The following KCNT2 variants were observed in gnomAD, a reference collection of about 807,000 sequenced individuals.
KCNT2 encodes the protein potassium channel subfamily T member 2.
KCNT2 carries 67 observed loss-of-function variants against 153.8 expected under a neutral mutation model. The observed-to-expected ratio is 0.44, with a 90% confidence interval of 0.36 to 0.53. KCNT2 has a LOEUF of 0.53. Among genes scored for constraint, KCNT2 ranks in the 20% least tolerant of loss-of-function variants. The pLI is 0.00. For missense variants in KCNT2, 975 were observed against 1,354.8 expected, an observed-to-expected ratio of 0.72 and a Z score of 4.40; for synonymous variants, 500 against 458.8, an observed-to-expected ratio of 1.09 and a Z score of -1.15.
At chr1:196,512,203 T>C (rs1186239866) in intron 1 of KCNT2, among the ~76,000 whole-genome samples, 1 of 152,178 alleles carries the variant, frequency 6.6e-6, no homozygotes, top group East Asian at 1.9e-4. Context: ...TTCTTGATTT[T>C]CTTCCTACCT....
At chr1:196,456,419 C>T (rs1676680073) in intron 8 of KCNT2, among the ~76,000 whole-genome samples, 2 of 151,940 alleles carry the variant, frequency 1.3e-5, no homozygotes, top group South Asian at 2.1e-4. Flanking sequence ...CAATACAATT[C>T]TATTTGCTCC....
intron 27 of KCNT2, among the ~76,000 whole-genome samples, chr1:196,228,768 A>C (rs2102207329): frequency 6.6e-6 from 1 of 152,024 alleles, no homozygotes; most frequent in Middle Eastern, 3.4e-3. Context: ...CCATTACTTA[A>C]CTGTTCTTTG....
At chr1:196,472,172 A>G (rs931525865) in intron 5 of KCNT2, among the ~76,000 whole-genome samples, 1 of 152,166 alleles carries the variant, frequency 6.6e-6, no homozygotes, top group South Asian at 2.1e-4. Context: ...GTTGGGGCTC[A>G]ATTAATATCA....
intron 8 of KCNT2, among the ~76,000 whole-genome samples, chr1:196,457,314 T>G (rs750772789): frequency 4.6e-5 from 7 of 151,788 alleles, no homozygotes; most frequent in Non-Finnish European, 1.0e-4. Context: ...TTTTATATAT[T>G]AACTCAGTCT....
At chr1:196,556,536 T>C (rs1213335024) in intron 1 of KCNT2, among the ~76,000 whole-genome samples, 1 of 151,356 alleles carries the variant, frequency 6.6e-6, no homozygotes. Context: ...TTGGTGGGAA[T>C]ATAAATTAGC....
intron 22 of KCNT2, among the ~76,000 whole-genome samples, chr1:196,287,095 G>A (rs1054959379): frequency 2.6e-5 from 4 of 152,030 alleles, no homozygotes; most frequent in Non-Finnish European, 4.4e-5. Flanking sequence ...CTATAAGAGC[G>A]TCTTCACTTG....
At position 196,506,008 on chromosome 1, in the gene KCNT2, A is replaced by G. The variant is rs1275718271; in HGVS notation, c.96-13667T>C. Among the ~76,000 whole-genome samples the G allele has an allele frequency of 3.3e-5, 5 of 152,300 alleles. No individual in the cohort carries two copies. In the South Asian group the frequency reaches 8.3e-4, roughly 25 times the overall value. ...GCTGAGACAATGGGGTTTTCTAGAT[A>G]TACAATCATGTCATCTGCAAACAGG... On this transcript the variant is annotated intron_variant, in intron 1 of 27. Transcript: ENST00000294725.
At chr1:196,234,930 G>A (rs1654297304) in intron 27 of KCNT2, among the ~76,000 whole-genome samples, 1 of 151,216 alleles carries the variant, frequency 6.6e-6, no homozygotes, top group African/African-American at 2.4e-5. Context: ...ATCTACCCCA[G>A]GACAGGTCGT....
At chr1:196,293,000 ATAAT>A (rs1166271588) in intron 22 of KCNT2, among the ~76,000 whole-genome samples, 2 of 151,970 alleles carry the variant, frequency 1.3e-5, no homozygotes, top group Non-Finnish European at 2.9e-5. Context: ...ACCTGAAAAA[ATAAT>A]TAAAACCAGT....
intron 20 of KCNT2, among the ~76,000 whole-genome samples, chr1:196,319,188 C>G (rs2148035159): frequency 6.6e-6 from 1 of 151,780 alleles, no homozygotes; most frequent in South Asian, 2.1e-4. Context: ...TTCTCTACCA[C>G]TATGTCAATA....
intron 3 of KCNT2, among the ~76,000 whole-genome samples, chr1:196,486,142 T>C (rs904497807): frequency 2.0e-5 from 3 of 151,954 alleles, no homozygotes; most frequent in Non-Finnish European, 4.4e-5. Context: ...ATGTTATCTA[T>C]ATGTCTGTGT....
intron 22 of KCNT2, among the ~76,000 whole-genome samples, chr1:196,302,321 G>A (rs1661256842): frequency 6.6e-6 from 1 of 151,708 alleles, no homozygotes; most frequent in Non-Finnish European, 1.5e-5. Context: ...AAATATTACT[G>A]ATTAAAAAAA....
chr1:196,520,814 G>A (rs950289363), intron 1 of KCNT2, among the ~76,000 whole-genome samples: 13 of 152,050 alleles, frequency 8.5e-5, no homozygotes, highest in Admixed American at 8.5e-4. Flanking sequence ...GGATCAAAGA[G>A]TTAAATGTAA....
intron 10 of KCNT2, 59 bp downstream of exon 10, chr1:196,428,046 C>G (rs2148537067): frequency 7.4e-7 from 1 of 1,348,508 alleles, no homozygotes; most frequent in Admixed American, 1.8e-5. Flanking sequence ...AGTTAATTGA[C>G]TTTGACAATA....
intron 21 of KCNT2, among the ~76,000 whole-genome samples, chr1:196,308,882 T>C (rs151290263): frequency 3.9e-4 from 60 of 152,162 alleles, no homozygotes; most frequent in African/African-American, 1.3e-3. Context: ...CTTTTAAAAA[T>C]AACGTTTTAT....
At position 196,363,034 on chromosome 1, in the gene KCNT2, C is replaced by T. The variant is rs1334027202; in HGVS notation, c.1403+10106G>A. Among the ~76,000 whole-genome samples the T allele has an allele frequency of 2.6e-5, 4 of 152,028 alleles. No homozygotes were observed. The East Asian group carries it at 7.7e-4, about 29-fold the overall frequency. The stretch of plus-strand genomic sequence containing the variant: ...CAAACTTTCACCCCTAATATTAGTA[C>T]TCATTGAGGAGTCACAATTATTACT... On this transcript the variant is annotated intron_variant, in intron 14 of 27. Transcript: ENST00000294725.
At chr1:196,602,770 A>ATTTTTTTT (rs148932905) in intron 1 of KCNT2, among the ~76,000 whole-genome samples, 3 of 84,628 alleles carry the variant, frequency 3.5e-5, no homozygotes, top group African/African-American at 5.3e-5. Context: ...TTCAAAGTCT[A>ATTTTTTTT]TTTTTTTTTT....
intron 19 of KCNT2, among the ~76,000 whole-genome samples, chr1:196,325,851 AAAC>A (rs1234764072): frequency 6.6e-6 from 1 of 152,164 alleles, no homozygotes; most frequent in Non-Finnish European, 1.5e-5. Context: ...AAGTGAGAAT[AAAC>A]AACACTATAA....
At position 196,285,592 on chromosome 1, in the gene KCNT2, C is replaced by T. The variant is rs1659581042; in HGVS notation, c.2697+65G>A. ...CATGTGAAACACTAGATGTATTATT[C>T]ATTTAAATAAAATCTAAAACAGAAA... On this transcript the variant is annotated intron_variant, in intron 23 of 27. Transcript: ENST00000294725. 19 of 979,752 alleles carry T rather than the reference C, an allele frequency of 1.9e-5. No homozygotes were observed. In the South Asian group the frequency reaches 2.3e-4, roughly 12 times the overall value. The allele number at this position is 979,752 out of a possible 1,614,324, so 60.7% of individuals were successfully genotyped here.
Sources: gnomAD v4.1 joint callset for allele counts (sites outside exome capture counted in the v4.1 genomes callset) on GRCh38, gnomAD v4.1.1 for gene constraint, MANE v1.5 for transcripts, NCBI Gene and HGNC (gene_info 2026-07-23, HGNC 2026-07-21) for gene names.